Variants in CORIN observed in about 807,000 individuals in gnomAD.
CORIN encodes the protein corin, serine peptidase, also known as atrial natriuretic peptide-converting enzyme.
Under a neutral mutation model 125.3 loss-of-function variants are expected in CORIN, and 117 were observed. That is an observed-to-expected ratio of 0.93 (90% CI 0.80 to 1.09). CORIN has a LOEUF of 1.09. Among genes scored for constraint, CORIN ranks in the 50% least tolerant of loss-of-function variants. The pLI, the probability that CORIN is intolerant of heterozygous loss-of-function variation, is 0.00. For missense variants in CORIN, 1,253 were observed against 1,306.7 expected (o/e 0.96, Z 0.63); for synonymous variants, 450 against 466.4 (o/e 0.96, Z 0.45).
At chr4:47,774,068 A>G (rs944985267) in intron 3 of CORIN, among the ~76,000 whole-genome samples, 1 of 152,144 alleles carries the variant, frequency 6.6e-6, no homozygotes, top group Non-Finnish European at 1.5e-5. Flanking sequence ...TTTGCATTTA[A>G]TGGTGATTAA....
At chr4:47,615,259 T>C (rs943635664) in intron 19 of CORIN, among the ~76,000 whole-genome samples, 7 of 152,190 alleles carry the variant, frequency 4.6e-5, no homozygotes, top group African/African-American at 1.7e-4. Flanking sequence ...ATTTTATTCT[T>C]GTTATAATGG....
At chr4:47,649,905 A>G (rs1035496641) in intron 13 of CORIN, among the ~76,000 whole-genome samples, 30 of 152,238 alleles carry the variant, frequency 2.0e-4, no homozygotes, top group African/African-American at 6.8e-4. Context: ...TACAGAGCAA[A>G]GAGTGGTCTC....
intron 3 of CORIN, among the ~76,000 whole-genome samples, chr4:47,777,389 T>A (rs951469325): frequency 6.6e-6 from 1 of 152,154 alleles, no homozygotes; most frequent in African/African-American, 2.4e-5. Context: ...TCCCAGCACT[T>A]TGGGAGGCCG....
In CORIN at chr4:47,674,435, C is replaced by T. The variant is rs764822862; in HGVS notation, c.1315G>A (p.Gly439Ser). The T allele has an allele frequency of 6.2e-6, 10 of 1,613,788 alleles. No homozygotes were observed. In the South Asian group the frequency reaches 9.9e-5, roughly 16 times the overall value. The change falls in exon 10 of 22, where the codon GGT becomes AGT. Residue 439 changes from glycine to serine, a missense_variant. Transcript: ENST00000273857. ...LYNPCLDSCG[G>S]SSLCDPNNSL... is the part of the protein sequence containing the mutation. ...TTGTTCGGGTCACAGAGAGAGCTAC[C>T]ACCACATGAATCAAGGCAGGGATTG...
At chr4:47,639,385 C>T (rs1252866949) in intron 16 of CORIN, among the ~76,000 whole-genome samples, 5 of 152,130 alleles carry the variant, frequency 3.3e-5, no homozygotes, top group African/African-American at 1.2e-4. Flanking sequence ...ATGTCTTCCC[C>T]ACTCCATTAT....
At chr4:47,643,108 TGA>T (rs1188775088) in intron 15 of CORIN, 36 bp downstream of exon 15, 26 of 1,613,862 alleles carry the variant, frequency 1.6e-5, no homozygotes, top group Non-Finnish European at 2.2e-5. Flanking sequence ...CTGACAGGCA[TGA>T]GAGAGTACAA....
At chr4:47,657,716 A>G (rs535627072) in intron 12 of CORIN, among the ~76,000 whole-genome samples, 2 of 152,108 alleles carry the variant, frequency 1.3e-5, no homozygotes, top group Non-Finnish European at 2.9e-5. Context: ...GTCACATGGC[A>G]AAAGCAGGAA....
rs114723132 is a variant in CORIN at position 47,726,363 on chromosome 4, G to T, written c.799+18039C>A. On this transcript the variant is annotated intron_variant, in intron 5 of 21. Coordinates refer to ENST00000273857, the MANE Select transcript of CORIN (RefSeq NM_006587.4). ...GGTACAGCCATACAATGGAATACTA[G>T]TAAGCATTAAAAATAACCACTGATA... Among the ~76,000 whole-genome samples the T allele has an allele frequency of 5.9e-3, 897 of 152,108 alleles. 11 individuals carry two copies. The highest frequency in any genetic ancestry group is 0.02 in the African/African-American group (818 of 41,536).
intron 8 of CORIN, among the ~76,000 whole-genome samples, chr4:47,679,314 C>A (rs1239399454): frequency 6.6e-6 from 1 of 151,770 alleles, no homozygotes; most frequent in African/African-American, 2.4e-5. Flanking sequence ...TGAAGATTTT[C>A]ATTCACACAG....
rs1726582367 is a variant in CORIN, at chr4:47,706,724, T to A, written c.800-13641A>T. On this transcript the variant is annotated intron_variant, in intron 5 of 21. Transcript: ENST00000273857. ...CTGTGGGGCTCTGGGAGTCCTGAAT[T>A]CTTACTGGGTTGGTGAAGATTCCAC... The A allele has an allele frequency of 3.2e-5, 51 of 1,604,690 alleles. No homozygotes were observed. The South Asian group carries it at 5.5e-4, about 17-fold the overall frequency.
chr4:47,758,695 G>C (rs1320116800), intron 4 of CORIN, among the ~76,000 whole-genome samples: 2 of 152,140 alleles, frequency 1.3e-5, no homozygotes, highest in Non-Finnish European at 2.9e-5. Flanking sequence ...TGAATCATAG[G>C]GGCAGTTACC....
rs1721782705 is a variant in CORIN, at chr4:47,609,357, A to G, written c.2541-5689T>C. ...GAGGTTCAAGCGATTCTCCTGCCTC[A>G]GCCTCCTAAGTAGTTGGGATTACAG... On this transcript the variant is annotated intron_variant, in intron 19 of 21. Transcript: ENST00000273857. 1.3e-5 allele frequency among the ~76,000 whole-genome samples: 2 copies of G among 152,134 alleles called. 1 individual carries two copies. The highest frequency in any genetic ancestry group is 4.1e-4 in the South Asian group (2 of 4,826).
chr4:47,630,827 C>A (rs972200006), intron 16 of CORIN, among the ~76,000 whole-genome samples: 2 of 152,118 alleles, frequency 1.3e-5, no homozygotes, highest in Non-Finnish European at 2.9e-5. Context: ...TTGGCCTCAT[C>A]CCCAGATTTT....
At chr4:47,625,588 T>A (rs1722523203) in intron 17 of CORIN, among the ~76,000 whole-genome samples, 1 of 152,138 alleles carries the variant, frequency 6.6e-6, no homozygotes, top group African/African-American at 2.4e-5. Flanking sequence ...ATGAGGAAAA[T>A]GTCAAGAACT....
chr4:47,701,767 G>GA (rs1726303183), intron 5 of CORIN, among the ~76,000 whole-genome samples: 1 of 109,946 alleles, frequency 9.1e-6, no homozygotes, highest in Non-Finnish European at 1.7e-5. Context: ...AGGCCAAGCA[G>GA]AAATCTAAAG....
At chr4:47,837,497 G>A in intron 1 of CORIN, 1 of 308,216 alleles carries the variant, frequency 3.2e-6, no homozygotes. Flanking sequence ...AGCCTCCCCT[G>A]CCGCCAGTGT....
chr4:47,639,775 C>G (rs761621502), intron 16 of CORIN, among the ~76,000 whole-genome samples: 1 of 152,206 alleles, frequency 6.6e-6, no homozygotes, highest in African/African-American at 2.4e-5. Flanking sequence ...AGCAGCTGGT[C>G]TCGAGAGACA....
chr4:47,805,004 C>G (rs370287979), intron 2 of CORIN, among the ~76,000 whole-genome samples: 4 of 151,044 alleles, frequency 2.6e-5, no homozygotes, highest in East Asian at 1.9e-4. Context: ...GGCGTGGTGG[C>G]GGGCGCCTGT....
intron 16 of CORIN, among the ~76,000 whole-genome samples, chr4:47,638,725 G>A (rs1407911247): frequency 6.6e-6 from 1 of 152,176 alleles, no homozygotes; most frequent in Non-Finnish European, 1.5e-5. Flanking sequence ...TCTCGGGTAT[G>A]TCTTTATTAG....
Sources: gnomAD v4.1 joint callset for allele counts (sites outside exome capture counted in the v4.1 genomes callset) on GRCh38, gnomAD v4.1.1 for gene constraint, MANE v1.5 for transcripts, NCBI Gene and HGNC (gene_info 2026-07-23, HGNC 2026-07-21) for gene names.